NRG1: variants seen among roughly 807,000 people sequenced by gnomAD.
NRG1 encodes pro-neuregulin-1, membrane-bound isoform.
In NRG1, 18 loss-of-function variants were observed where a neutral mutation model predicts 63.8. The ratio of observed to expected loss-of-function variants is 0.28; its 90% CI spans 0.19 to 0.42. The LOEUF is 0.42. Ranked by LOEUF, NRG1 falls within the 10% of genes least tolerant of loss-of-function variation. The pLI, the probability that NRG1 is intolerant of heterozygous loss-of-function variation, is 1.00. For synonymous variants in NRG1, 302 were observed against 301.3 expected, an observed-to-expected ratio of 1.00 and a Z score of -0.02; for missense variants, 762 against 814.7, an observed-to-expected ratio of 0.94 and a Z score of 0.79.
At chr8:32,407,559 G>C (rs1001027875) in intron 1 of NRG1, among the ~76,000 whole-genome samples, 4 of 151,978 alleles carry the variant, frequency 2.6e-5, no homozygotes, top group African/African-American at 9.7e-5. Flanking sequence ...AGCGTGGAGA[G>C]AAAGAAGTAA....
At chr8:32,132,356 T>C (rs1834938263) in intron 1 of NRG1, among the ~76,000 whole-genome samples, 1 of 152,018 alleles carries the variant, frequency 6.6e-6, no homozygotes, top group Non-Finnish European at 1.5e-5. Context: ...TTCTTAAGGA[T>C]AAGCTCTTTG....
At chr8:31,663,004 G>A (rs569845592) in intron 1 of NRG1, among the ~76,000 whole-genome samples, 106 of 152,266 alleles carry the variant, frequency 7.0e-4, no homozygotes, top group Admixed American at 1.9e-3. Flanking sequence ...TACCAGGGAT[G>A]ACTCCACATG....
At position 31,941,856 on chromosome 8, in the gene NRG1, G is replaced by GA. The variant is rs1342049053; in HGVS notation, c.37+302429dup. Among the ~76,000 whole-genome samples the GA allele has an allele frequency of 7.2e-5, 11 of 152,192 alleles. No homozygotes were observed. The East Asian group carries it at 1.9e-3, about 27-fold the overall frequency. ...CAAGGATGTGAAAGACCTCTACAAG[G>GA]AAAACTACAAAACACTGCTGAAAGA... On this transcript the variant is annotated intron_variant, in intron 1 of 10. Transcript: ENST00000519301.
At chr8:32,546,253 C>T (rs930287540), upstream of NRG1, among the ~76,000 whole-genome samples, 4 of 151,780 alleles carry the variant, frequency 2.6e-5, no homozygotes, top group Non-Finnish European at 5.9e-5. Context: ...AACATCCAGA[C>T]CCTAAACAAA....
At position 31,726,046 on chromosome 8, in the gene NRG1, A is replaced by C. The variant is rs117467858; in HGVS notation, c.37+86615A>C. ...TGCTACATATTTAAATATTTAATGC[A>C]ACAAGCATCCCACTTTATTATAGGA... On this transcript the variant is annotated intron_variant, in intron 1 of 10. Transcript: ENST00000519301. Among the ~76,000 whole-genome samples the C allele has an allele frequency of 3.8e-3, 585 of 152,278 alleles. 1 individual carries two copies. Among genetic ancestry groups the C allele is most frequent in the South Asian group, 0.019 (90 of 4,826 alleles).
intron 1 of NRG1, among the ~76,000 whole-genome samples, chr8:32,339,347 G>C (rs897581770): frequency 6.6e-6 from 1 of 152,080 alleles, no homozygotes; most frequent in Non-Finnish European, 1.5e-5. Flanking sequence ...TACTCACTTT[G>C]TCTCTTAGAT....
chr8:32,399,417 G>C (rs28456005), intron 1 of NRG1, among the ~76,000 whole-genome samples: 21,627 of 152,246 alleles, frequency 0.14, 1,610 homozygotes, highest in South Asian at 0.19. Context: ...GGGTTAGGGG[G>C]ATGTGGTGGC....
chr8:32,349,899 G>A (rs1015354283), intron 1 of NRG1, among the ~76,000 whole-genome samples: 1 of 152,186 alleles, frequency 6.6e-6, no homozygotes, highest in African/African-American at 2.4e-5. Context: ...GCAGGATTGT[G>A]GCTGGCCAGA....
intron 1 of NRG1, among the ~76,000 whole-genome samples, chr8:32,473,670 T>G (rs1342742760): frequency 6.6e-6 from 1 of 152,136 alleles, no homozygotes; most frequent in African/African-American, 2.4e-5. Context: ...ATCCTTATAC[T>G]AGTTTTATTT....
rs932035675 is a variant in NRG1, at chr8:32,143,662, G to A, written c.38-452166G>A. Among the ~76,000 whole-genome samples the A allele has an allele frequency of 3.3e-5, 5 of 152,242 alleles. No homozygotes were observed. The East Asian group carries it at 9.6e-4, about 29-fold the overall frequency. On this transcript the variant is annotated intron_variant, in intron 1 of 10. Transcript: ENST00000519301. ...GGTGATGAAATGTGAGAAGCAGTGAGGGCAAGGACTTGAGCCTGGTGCCTA... is the reference window on the plus strand; with the variant it reads ...GGTGATGAAATGTGAGAAGCAGTGAAGGCAAGGACTTGAGCCTGGTGCCTA...
chr8:32,488,280 A>G (rs907659263), intron 1 of NRG1, among the ~76,000 whole-genome samples: 6 of 152,194 alleles, frequency 3.9e-5, no homozygotes, highest in Admixed American at 6.5e-5. Flanking sequence ...GAGGAAGACT[A>G]TTAAGATTCA....
chr8:31,961,806 C>T (rs1805504240), intron 1 of NRG1, among the ~76,000 whole-genome samples: 1 of 152,112 alleles, frequency 6.6e-6, no homozygotes. Context: ...TTTGATTGTG[C>T]AAATGACTAA....
chr8:31,680,874 C>T (rs2131060082), intron 1 of NRG1, among the ~76,000 whole-genome samples: 1 of 152,254 alleles, frequency 6.6e-6, no homozygotes, highest in Middle Eastern at 3.4e-3. Context: ...AAGCTCATTC[C>T]TGCCCGCACA....
intron 1 of NRG1, among the ~76,000 whole-genome samples, chr8:32,206,224 C>T (rs1844047620): frequency 2.0e-5 from 3 of 152,142 alleles, no homozygotes; most frequent in East Asian, 1.9e-4. Flanking sequence ...AGCTCATGAT[C>T]GTCCATCTAA....
intron 1 of NRG1, among the ~76,000 whole-genome samples, chr8:32,558,032 T>A (rs1040344981): frequency 6.6e-6 from 1 of 152,216 alleles, no homozygotes; most frequent in Non-Finnish European, 1.5e-5. Context: ...ATGTTGTGCA[T>A]ATCATTTATG....
intron 1 of NRG1, among the ~76,000 whole-genome samples, chr8:32,358,907 A>G (rs1806837161): frequency 6.6e-6 from 1 of 152,198 alleles, no homozygotes; most frequent in African/African-American, 2.4e-5. Flanking sequence ...GCATATCAGC[A>G]TAATTCAGAG....
chr8:32,441,412 G>A, intron 1 of NRG1: 1 of 151,998 alleles, frequency 6.6e-6, no homozygotes, highest in East Asian at 1.9e-4. Flanking sequence ...TCACTATGTA[G>A]ACAGTTTGCA....
chr8:31,957,756 A>G (rs327396), intron 1 of NRG1, among the ~76,000 whole-genome samples: 129,298 of 152,162 alleles, frequency 0.85, 55,789 homozygotes, highest in African/African-American at 0.96. Context: ...GTATTGGATG[A>G]CACAGGTGTA....
chr8:32,222,067 GCA>G (rs902193176), intron 1 of NRG1, among the ~76,000 whole-genome samples: 4 of 140,634 alleles, frequency 2.8e-5, no homozygotes, highest in African/African-American at 1.2e-4. Context: ...ACACACACAT[GCA>G]CACACACTTT....
Sources: gnomAD v4.1 joint callset for allele counts (sites outside exome capture counted in the v4.1 genomes callset) on GRCh38, gnomAD v4.1.1 for gene constraint, MANE v1.5 for transcripts, NCBI Gene and HGNC (gene_info 2026-07-23, HGNC 2026-07-21) for gene names.